The following PTPRT variants were observed in gnomAD, a reference collection of about 807,000 sequenced individuals.
PTPRT encodes the protein protein tyrosine phosphatase receptor type T.
In PTPRT, 56 loss-of-function variants were observed where a neutral mutation model predicts 176.8. The observed-to-expected ratio is 0.32, with a 90% CI of 0.26 to 0.40. The LOEUF is 0.40. Among genes scored for constraint, PTPRT ranks in the 10% least tolerant of loss-of-function variants. The pLI, the probability that PTPRT is intolerant of heterozygous loss-of-function variation, is 1.00. For synonymous variants in PTPRT, 783 were observed against 739.0 expected (o/e 1.06, Z -0.96); for missense variants, 1,540 against 1,908.2 (o/e 0.81, Z 3.60).
At chr20:43,020,451 C>T (rs1394331584) in intron 1 of PTPRT, among the ~76,000 whole-genome samples, 2 of 152,056 alleles carry the variant, frequency 1.3e-5, no homozygotes, top group African/African-American at 2.4e-5. Context: ...CAATGGAATA[C>T]TCACTCTTCA....
intron 7 of PTPRT, among the ~76,000 whole-genome samples, chr20:42,654,344 C>CA (rs1330196369): frequency 6.6e-6 from 1 of 151,992 alleles, no homozygotes; most frequent in African/African-American, 2.4e-5. Context: ...AAACAAAAAA[C>CA]AAAAAACACT....
chr20:42,525,922 G>A (rs1220024753), intron 7 of PTPRT, among the ~76,000 whole-genome samples: 4 of 151,934 alleles, frequency 2.6e-5, no homozygotes, highest in Non-Finnish European at 4.4e-5. Context: ...AATTTTGCTG[G>A]TTGCAGATTT....
chr20:42,887,650 G>A (rs1254578874), intron 1 of PTPRT, among the ~76,000 whole-genome samples: 1 of 152,170 alleles, frequency 6.6e-6, no homozygotes, highest in Non-Finnish European at 1.5e-5. Flanking sequence ...CTGGATAGTG[G>A]TGGTGGACAT....
At chr20:42,834,287 A>C (rs1346481109) in intron 2 of PTPRT, among the ~76,000 whole-genome samples, 2 of 152,174 alleles carry the variant, frequency 1.3e-5, no homozygotes, top group Non-Finnish European at 2.9e-5. Flanking sequence ...AATCCAAATT[A>C]AAATCACAAT....
chr20:42,191,201 G>T (rs1990988963), intron 16 of PTPRT, among the ~76,000 whole-genome samples: 8 of 151,846 alleles, frequency 5.3e-5, no homozygotes, highest in Admixed American at 5.2e-4. Context: ...AGCCCTGTAG[G>T]CTTGGCAAGC....
intron 9 of PTPRT, among the ~76,000 whole-genome samples, chr20:42,425,000 C>T (rs999768025): frequency 2.0e-5 from 3 of 151,938 alleles, no homozygotes; most frequent in African/African-American, 7.3e-5. Flanking sequence ...ATTTCTTTGA[C>T]ATTACGGAAT....
At chr20:42,164,160 A>T (rs141276768) in intron 16 of PTPRT, among the ~76,000 whole-genome samples, 1,619 of 152,322 alleles carry the variant, frequency 0.011, 14 homozygotes, top group Non-Finnish European at 0.015. Flanking sequence ...ACCATCAAAC[A>T]TGGGGACAGT....
chr20:42,924,443 G>A (rs562752385), intron 1 of PTPRT, among the ~76,000 whole-genome samples: 1 of 152,194 alleles, frequency 6.6e-6, no homozygotes, highest in South Asian at 2.1e-4. Flanking sequence ...TGTGAACCTC[G>A]GGAAGAAAAC....
At chr20:42,876,930 G>T (rs575675982) in intron 2 of PTPRT, among the ~76,000 whole-genome samples, 2 of 152,210 alleles carry the variant, frequency 1.3e-5, no homozygotes, top group Admixed American at 1.3e-4. Context: ...CCTGGAGGAG[G>T]TGACATTTGT....
intron 1 of PTPRT, among the ~76,000 whole-genome samples, chr20:42,987,855 C>T (rs577391300): frequency 5.1e-4 from 78 of 152,288 alleles, no homozygotes; most frequent in South Asian, 1.5e-3. Context: ...CACAGTCACC[C>T]GAAAGCTTGA....
At chr20:42,713,268 T>C (rs753307776) in intron 6 of PTPRT, among the ~76,000 whole-genome samples, 4 of 152,120 alleles carry the variant, frequency 2.6e-5, no homozygotes, top group African/African-American at 9.7e-5. Flanking sequence ...ACCTTTTTCT[T>C]TCTTTTGATT....
intron 2 of PTPRT, among the ~76,000 whole-genome samples, chr20:42,830,014 A>T (rs1292242726): frequency 2.0e-5 from 3 of 152,300 alleles, no homozygotes; most frequent in Non-Finnish European, 4.4e-5. Flanking sequence ...ATACTACCAG[A>T]TGTACAATGA....
At chr20:42,647,069 A>G (rs1039459945) in intron 7 of PTPRT, among the ~76,000 whole-genome samples, 1 of 150,676 alleles carries the variant, frequency 6.6e-6, no homozygotes, top group Non-Finnish European at 1.5e-5. Flanking sequence ...ACTTTTTAAA[A>G]ATTGTTTTGT....
At chr20:42,035,126 G>A in the PTPRT span, among the ~76,000 whole-genome samples, 1 of 152,152 alleles carries the variant, frequency 6.6e-6, no homozygotes, top group Non-Finnish European at 1.5e-5. Flanking sequence ...GGACATGGGA[G>A]ATCTGCTAAG....
chr20:42,774,308 T>C (rs1215399376), intron 4 of PTPRT, among the ~76,000 whole-genome samples: 2 of 152,170 alleles, frequency 1.3e-5, no homozygotes, highest in African/African-American at 2.4e-5. Context: ...GCACAATAAC[T>C]GGTATCCACC....
intron 2 of PTPRT, among the ~76,000 whole-genome samples, chr20:42,814,491 T>G (rs1396314713): frequency 6.6e-6 from 1 of 152,228 alleles, no homozygotes; most frequent in Admixed American, 6.5e-5. Flanking sequence ...AGAATATGTT[T>G]TCAATAAATG....
rs1218027138 is a variant in PTPRT at position 42,432,107 on chromosome 20, A to G, written c.1560+16113T>C. 2.6e-5 allele frequency among the ~76,000 whole-genome samples: 4 copies of G among 152,302 alleles called. No homozygotes were observed. The East Asian group carries it at 7.7e-4, about 29-fold the overall frequency. ...CTAACTCTATCTTGTTAAGAGACAA[A>G]ACAGCTATGAGAGAAGGGAGACGCC... On this transcript the variant is annotated intron_variant, in intron 9 of 30. Coordinates refer to ENST00000373187, the MANE Select transcript of PTPRT (RefSeq NM_007050.6).
At chr20:42,258,472 A>G (rs1205413653) in intron 13 of PTPRT, among the ~76,000 whole-genome samples, 1 of 152,174 alleles carries the variant, frequency 6.6e-6, no homozygotes, top group Non-Finnish European at 1.5e-5. Context: ...TGGGCTTTCT[A>G]TATAATACCT....
intron 15 of PTPRT, among the ~76,000 whole-genome samples, chr20:42,203,843 T>A (rs1366089380): frequency 6.6e-6 from 1 of 152,182 alleles, no homozygotes; most frequent in African/African-American, 2.4e-5. Context: ...TGGCAGCAGA[T>A]CAGGGAGGGT....
Sources: gnomAD v4.1 joint callset for allele counts (sites outside exome capture counted in the v4.1 genomes callset) on GRCh38, gnomAD v4.1.1 for gene constraint, MANE v1.5 for transcripts, NCBI Gene and HGNC (gene_info 2026-07-23, HGNC 2026-07-21) for gene names.